NDUFA12: variants seen among roughly 807,000 people sequenced by gnomAD.
NDUFA12 encodes NADH dehydrogenase [ubiquinone] 1 alpha subcomplex subunit 12.
In NDUFA12, 17 loss-of-function variants were observed where a neutral mutation model predicts 20.3. The ratio of observed to expected loss-of-function variants is 0.84; its 90% CI spans 0.57 to 1.26. NDUFA12 has a LOEUF of 1.26. Among genes scored for constraint, NDUFA12 ranks in the 50% most tolerant of loss-of-function variants. The pLI is 0.00. For missense variants in NDUFA12, 191 were observed against 183.7 expected (o/e 1.04, Z -0.23); for synonymous variants, 72 against 63.6 (o/e 1.13, Z -0.63).
chr12:94,996,816 T>G, intron 2 of NDUFA12: 2 of 140,854 alleles, frequency 1.4e-5, no homozygotes, highest in Non-Finnish European at 2.6e-5. Context: ...CAAAACTCTG[T>G]CTCAAAAAAA....
chr12:94,981,835 C>G (rs1874249895), intron 3 of NDUFA12, among the ~76,000 whole-genome samples: 1 of 152,310 alleles, frequency 6.6e-6, no homozygotes, highest in Middle Eastern at 3.4e-3. Context: ...TGTAGCTCAA[C>G]TGCCCATCCA....
chr12:94,971,708 T>C (rs935634277), intron 3 of NDUFA12, 88 bp from the exon 4 acceptor site: 2 of 1,473,816 alleles, frequency 1.4e-6, no homozygotes, highest in Non-Finnish European at 1.9e-6. Flanking sequence ...TGGAACTATT[T>C]TGTTGCTTGG....
chr12:94,987,871 A>C (rs893909278), intron 3 of NDUFA12, among the ~76,000 whole-genome samples: 5 of 151,690 alleles, frequency 3.3e-5, no homozygotes, highest in Non-Finnish European at 7.4e-5. Flanking sequence ...TTCTGAAAGC[A>C]GGAGAAAAAA....
chr12:95,002,643 G>T, intron 2 of NDUFA12, 96 bp downstream of exon 2: 4 of 859,320 alleles, frequency 4.7e-6, no homozygotes, highest in South Asian at 1.5e-5. Flanking sequence ...CCTTTTCCAG[G>T]TGTTTTGTAA....
At chr12:94,981,588 A>G (rs1174282516) in intron 3 of NDUFA12, among the ~76,000 whole-genome samples, 2 of 152,246 alleles carry the variant, frequency 1.3e-5, no homozygotes, top group Non-Finnish European at 2.9e-5. Context: ...TAGGAAAATG[A>G]AGGTACTGTA....
intron 3 of NDUFA12, chr12:94,972,453 T>C (rs549242384): frequency 4.4e-6 from 2 of 454,706 alleles, no homozygotes; most frequent in African/African-American, 4.0e-5. Flanking sequence ...CAGGTTACTC[T>C]GGCTCATGAA....
intron 3 of NDUFA12, among the ~76,000 whole-genome samples, chr12:94,984,545 AG>A (rs971004922): frequency 6.6e-6 from 1 of 151,432 alleles, no homozygotes; most frequent in African/African-American, 2.4e-5. Context: ...GAAACAAAAA[AG>A]CAACAAAAAA....
intron 2 of NDUFA12, among the ~76,000 whole-genome samples, chr12:95,002,199 T>C (rs1592707920): frequency 6.6e-6 from 1 of 150,668 alleles, no homozygotes. Context: ...CCCAGCACTT[T>C]GGGGGGCCAA....
intron 3 of NDUFA12, among the ~76,000 whole-genome samples, chr12:94,987,704 G>C (rs899928228): frequency 3.5e-5 from 5 of 143,962 alleles, no homozygotes; most frequent in Admixed American, 2.9e-4. Context: ...GGGAGGCTGA[G>C]ATAGGAGGAT....
At chr12:95,003,213 G>C (rs1309568686) in intron 1 of NDUFA12, among the ~76,000 whole-genome samples, 1 of 152,182 alleles carries the variant, frequency 6.6e-6, no homozygotes, top group African/African-American at 2.4e-5. Context: ...ATCAGTGAAT[G>C]TCAGGAAGAG....
chr12:94,996,972 T>C (rs1337650079), intron 2 of NDUFA12: 3 of 400,002 alleles, frequency 7.5e-6, no homozygotes, highest in South Asian at 3.9e-5. Flanking sequence ...CCTCAGTTTC[T>C]TCATCTATAA....
chr12:94,995,481 T>C (rs1352384188), intron 2 of NDUFA12, among the ~76,000 whole-genome samples: 1 of 152,180 alleles, frequency 6.6e-6, no homozygotes, highest in Admixed American at 6.5e-5. Context: ...CTGTATTTCT[T>C]GAAATGTTAA....
At chr12:94,981,630 G>A (rs76862428) in intron 3 of NDUFA12, among the ~76,000 whole-genome samples, 3,332 of 152,182 alleles carry the variant, frequency 0.022, 117 homozygotes, top group African/African-American at 0.075. Flanking sequence ...CACAGTATTA[G>A]TACTAGTATT....
At chr12:95,003,550 G>GA in intron 1 of NDUFA12, 45 bp downstream of exon 1, 1 of 1,595,080 alleles carries the variant, frequency 6.3e-7, no homozygotes, top group East Asian at 2.2e-5. Context: ...ATCAGCCAGC[G>GA]AAAGTCCAGC....
At chr12:94,973,543 G>A (rs1457636517) in intron 3 of NDUFA12, among the ~76,000 whole-genome samples, 1 of 152,154 alleles carries the variant, frequency 6.6e-6, no homozygotes, top group Non-Finnish European at 1.5e-5. Flanking sequence ...TTACCTCACT[G>A]AGTCAGCTTA....
intron 3 of NDUFA12, among the ~76,000 whole-genome samples, chr12:94,979,849 A>AG (rs1168901601): frequency 6.6e-6 from 1 of 151,406 alleles, no homozygotes; most frequent in Non-Finnish European, 1.5e-5. Context: ...AAAAAAAAAA[A>AG]GGATTAATGG....
intron 2 of NDUFA12, among the ~76,000 whole-genome samples, chr12:94,999,512 A>G (rs112465059): frequency 0.031 from 4,724 of 152,358 alleles, 122 homozygotes; most frequent in Non-Finnish European, 0.049. Context: ...CTGTTCAGCA[A>G]AAGAAATAAT....
At chr12:94,996,189 C>G (rs1421376338) in intron 2 of NDUFA12, among the ~76,000 whole-genome samples, 4 of 151,926 alleles carry the variant, frequency 2.6e-5, no homozygotes, top group Non-Finnish European at 5.9e-5. Flanking sequence ...GGTGGGGCAA[C>G]AGAGAGACCC....
intron 3 of NDUFA12, among the ~76,000 whole-genome samples, chr12:94,982,014 A>G (rs1283938839): frequency 6.6e-6 from 1 of 152,212 alleles, no homozygotes; most frequent in Non-Finnish European, 1.5e-5. Flanking sequence ...ATTAAATGAA[A>G]CAGAGAAGCT....
Sources: allele counts gnomAD v4.1 joint callset (sites outside exome capture counted in the v4.1 genomes callset), GRCh38; gene constraint gnomAD v4.1.1; transcripts MANE v1.5; gene names NCBI Gene and HGNC (gene_info 2026-07-23, HGNC 2026-07-21).